MON2: variants seen among roughly 807,000 people sequenced by gnomAD.
MON2 encodes protein MON2 homolog.
In MON2, 84 loss-of-function variants were observed where a neutral mutation model predicts 208.6. That is an observed-to-expected ratio of 0.40 (90% CI 0.34 to 0.48). The LOEUF (loss-of-function observed/expected upper bound fraction) is 0.48, where lower values mean the gene tolerates loss of function less well. Ranked by LOEUF, MON2 falls within the 20% of genes least tolerant of loss-of-function variation. MON2 has a pLI of 0.59. For missense variants in MON2, 1,611 were observed against 2,015.4 expected, an observed-to-expected ratio of 0.80 and a Z score of 3.84; for synonymous variants, 660 against 694.0, an observed-to-expected ratio of 0.95 and a Z score of 0.77.
chr12:62,509,424 A>G lies in MON2; in HGVS notation c.984+944A>G, dbSNP rs547654302. On this transcript the variant is annotated intron_variant, in intron 8 of 34. Transcript: ENST00000393630. ...GCCACCATGCCTGGCCCTATATTCT[A>G]AAAACAGACAATATAATAATAGTAG... is the stretch of plus-strand genomic sequence containing the variant. Among the ~76,000 whole-genome samples the G allele has an allele frequency of 7.9e-5, 12 of 152,244 alleles. No individual in the cohort carries two copies. In the South Asian group the frequency reaches 2.3e-3, roughly 29 times the overall value.
At chr12:62,493,567 T>G (rs2070299916) in intron 2 of MON2, among the ~76,000 whole-genome samples, 1 of 152,186 alleles carries the variant, frequency 6.6e-6, no homozygotes, top group Non-Finnish European at 1.5e-5. Context: ...ATTTATGTTT[T>G]CCCTCCTGTA....
At chr12:62,548,398 T>C (rs887225806) in intron 22 of MON2, among the ~76,000 whole-genome samples, 3 of 152,228 alleles carry the variant, frequency 2.0e-5, no homozygotes, top group African/African-American at 7.2e-5. Context: ...AGGGGACATA[T>C]GGACTTGTTT....
chr12:62,528,371 T>C (rs759957131), intron 11 of MON2, among the ~76,000 whole-genome samples: 1 of 152,212 alleles, frequency 6.6e-6, no homozygotes, highest in East Asian at 1.9e-4. Context: ...ACGTAAGTAT[T>C]GGTGGCATAT....
rs192823209 is a variant in MON2 at position 62,535,602 on chromosome 12, T to C, written c.1793T>C (p.Val598Ala). 900 of 1,613,858 alleles carry C rather than the reference T, an allele frequency of 5.6e-4. 3 individuals carry two copies. The highest frequency in any genetic ancestry group is 1.6e-4 in the Non-Finnish European group (194 of 1,179,844). ...GCTCTTTGTGGAAGACTGGGCCTTG[T>C]AACTTCAAGAGATGCCTTTATAACT... ...MAALCGRLGL[V>A]TSRDAFITAI... Residue 598 changes from valine (V) to alanine (A), a missense_variant, in exon 14 of 35, where the codon GTA becomes GCA. Coordinates refer to ENST00000393630, the MANE Select transcript of MON2 (RefSeq NM_015026.3).
At chr12:62,467,964 TC>T (rs79600351) in intron 1 of MON2, among the ~76,000 whole-genome samples, 22,530 of 151,546 alleles carry the variant, frequency 0.15, 1,892 homozygotes, top group East Asian at 0.27. Context: ...GGTTTTTTTT[TC>T]CAGCTGTAAA....
chr12:62,495,447 A>G (rs80114155), intron 4 of MON2, among the ~76,000 whole-genome samples: 1 of 148,340 alleles, frequency 6.7e-6, no homozygotes, highest in Non-Finnish European at 1.5e-5. Context: ...GGGAACTAAG[A>G]AAAAAAAAAC....
intron 1 of MON2, among the ~76,000 whole-genome samples, chr12:62,481,061 A>G (rs1287216373): frequency 2.0e-5 from 3 of 152,212 alleles, no homozygotes; most frequent in African/African-American, 7.2e-5. Flanking sequence ...TTTTTACAGT[A>G]GTAAATTTGC....
At position 62,498,902 on chromosome 12, in the gene MON2, G is replaced by A. The variant is rs774457434; in HGVS notation, c.436-17G>A. 6.3e-7 allele frequency: 1 copy of A among 1,579,976 alleles called. No homozygotes were observed. The highest frequency in any genetic ancestry group is 8.6e-7 in the Non-Finnish European group (1 of 1,165,390). On this transcript the variant is annotated splice_polypyrimidine_tract_variant and intron_variant, in intron 4 of 34. Coordinates refer to ENST00000393630, the MANE Select transcript of MON2 (RefSeq NM_015026.3). ...TTTTCAATCTTATTTCACACTAAAT[G>A]AAAATTGTGTTTTCAGGCAATCGTT...
At chr12:62,556,740 AGTGAAAGGC>A (rs910462973) in intron 25 of MON2, among the ~76,000 whole-genome samples, 2 of 152,168 alleles carry the variant, frequency 1.3e-5, no homozygotes, top group Admixed American at 1.3e-4. Context: ...ATTGAGAGGT[AGTGAAAGGC>A]CAGATCATCC....
chr12:62,495,667 G>A (rs1410344950), intron 4 of MON2, among the ~76,000 whole-genome samples: 1 of 146,728 alleles, frequency 6.8e-6, no homozygotes, highest in Non-Finnish European at 1.5e-5. Context: ...TCCAGCCTGG[G>A]CGACAGAGTG....
intron 7 of MON2, among the ~76,000 whole-genome samples, chr12:62,502,091 G>A (rs1282971947): frequency 3.9e-5 from 6 of 152,020 alleles, no homozygotes; most frequent in African/African-American, 1.4e-4. Flanking sequence ...GTGATGGCGG[G>A]TGCCTGTAGT....
At chr12:62,585,238 C>A in intron 32 of MON2, 56 bp from the exon 33 acceptor site, 11 of 1,362,232 alleles carry the variant, frequency 8.1e-6, no homozygotes, top group Non-Finnish European at 1.1e-5. Context: ...GCATTGTTAT[C>A]ATTAAAGCTC....
chr12:62,518,691 T>A (rs2071832570), intron 8 of MON2, among the ~76,000 whole-genome samples: 1 of 152,176 alleles, frequency 6.6e-6, no homozygotes, highest in Admixed American at 6.5e-5. Flanking sequence ...AAATGGAAAG[T>A]TACTGCCTAA....
chr12:62,590,356 G>C (rs181151004), intron 34 of MON2, among the ~76,000 whole-genome samples: 1 of 152,144 alleles, frequency 6.6e-6, no homozygotes, highest in East Asian at 1.9e-4. Flanking sequence ...GCCTCCGAAA[G>C]TGCTGGGATT....
rs368019236 is a variant in MON2, at chr12:62,592,668, T to C, written c.5073T>C (p.Cys1691=). Reference sequence around the variant, plus strand: ...TCACCTGTTCTTCTTCAGAAGTCTGTTCTGCACTTAAAGAGGCACTAGTTC... The same window carrying C: ...TCACCTGTTCTTCTTCAGAAGTCTGCTCTGCACTTAAAGAGGCACTAGTTC... ...ECITCSSSEV[C]SALKEALVPF... The change falls in exon 35 of 35, where the codon TGT becomes TGC. Residue 1691 remains cysteine (C), a synonymous_variant. Transcript: ENST00000393630. The C allele has an allele frequency of 1.2e-5, 20 of 1,611,856 alleles. No homozygotes were observed. Among genetic ancestry groups the C allele is most frequent in the Non-Finnish European group, 1.7e-5 (20 of 1,178,346 alleles).
intron 29 of MON2, among the ~76,000 whole-genome samples, chr12:62,569,917 GA>G (rs913147650): frequency 2.6e-5 from 4 of 152,168 alleles, no homozygotes; most frequent in African/African-American, 9.7e-5. Context: ...TTGTGTGGAA[GA>G]TGATGATATT....
intron 4 of MON2, among the ~76,000 whole-genome samples, chr12:62,497,922 C>A (rs1010471447): frequency 6.6e-6 from 1 of 152,084 alleles, no homozygotes; most frequent in South Asian, 2.1e-4. Context: ...AGCCAACTGG[C>A]GGTTTCTTAA....
chr12:62,585,779 T>G, intron 33 of MON2: 1 of 228,840 alleles, frequency 4.4e-6, no homozygotes, highest in East Asian at 8.6e-5. Context: ...AAAAATAAAC[T>G]GAATTCCAAA....
At chr12:62,526,419 A>G (rs2072331424) in intron 11 of MON2, among the ~76,000 whole-genome samples, 1 of 152,166 alleles carries the variant, frequency 6.6e-6, no homozygotes, top group African/African-American at 2.4e-5. Flanking sequence ...GTCTTCTAAT[A>G]TTAGCTGAGT....
Sources: allele counts gnomAD v4.1 joint callset (sites outside exome capture counted in the v4.1 genomes callset), GRCh38; gene constraint gnomAD v4.1.1; transcripts MANE v1.5; gene names NCBI Gene and HGNC (gene_info 2026-07-23, HGNC 2026-07-21).